The following MAMDC2 variants were observed in gnomAD, a reference collection of about 807,000 sequenced individuals.
The protein encoded by MAMDC2 is MAM domain containing 2.
A neutral mutation model predicts 89.8 loss-of-function variants in MAMDC2; 57 were observed. That is an observed-to-expected ratio of 0.63 (90% CI 0.51 to 0.79). The LOEUF (loss-of-function observed/expected upper bound fraction) is 0.79, where lower values mean the gene tolerates loss of function less well. Ranked by LOEUF, MAMDC2 falls within the 30% of genes least tolerant of loss-of-function variation. The pLI is 0.00. For missense variants in MAMDC2, 800 were observed against 820.6 expected (o/e 0.97, Z 0.31); for synonymous variants, 313 against 293.4 (o/e 1.07, Z -0.68).
At chr9:70,051,924 T>TAGATAGATAGATAGAC (rs955594860) in intron 2 of MAMDC2, among the ~76,000 whole-genome samples, 1 of 151,848 alleles carries the variant, frequency 6.6e-6, no homozygotes, top group Non-Finnish European at 1.5e-5. Flanking sequence ...GATAGATAGA[T>TAGATAGATAGATAGAC]AGACAGACAG....
At chr9:70,199,264 T>C (rs1031640246) in intron 11 of MAMDC2, among the ~76,000 whole-genome samples, 12 of 119,908 alleles carry the variant, frequency 1.0e-4, no homozygotes, top group African/African-American at 2.5e-4. Flanking sequence ...TGTGATCTCA[T>C]TGTTCCATTC....
intron 11 of MAMDC2, among the ~76,000 whole-genome samples, chr9:70,189,715 C>A (rs1243101783): frequency 2.6e-5 from 4 of 151,948 alleles, no homozygotes; most frequent in Non-Finnish European, 5.9e-5. Context: ...TTCCACTATG[C>A]ATATGTTGGT....
intron 3 of MAMDC2, 120 bp downstream of exon 3, chr9:70,108,602 C>A (rs1284288129): frequency 1.4e-5 from 11 of 797,426 alleles, no homozygotes; most frequent in Non-Finnish European, 2.1e-5. Flanking sequence ...CGTGATGTTT[C>A]ATAAGATACA....
intron 11 of MAMDC2, among the ~76,000 whole-genome samples, chr9:70,189,885 T>C (rs1210485071): frequency 6.6e-6 from 1 of 152,144 alleles, no homozygotes; most frequent in Non-Finnish European, 1.5e-5. Context: ...GGCCCTCTCA[T>C]GAATATTTTA....
chr9:70,122,423 G>A (rs2118321601), intron 5 of MAMDC2, among the ~76,000 whole-genome samples: 1 of 152,290 alleles, frequency 6.6e-6, no homozygotes, highest in Non-Finnish European at 1.5e-5. Flanking sequence ...ACAACTCTCA[G>A]ATGTCCGTCA....
At chr9:70,053,529 C>A (rs1563932980) in intron 2 of MAMDC2, among the ~76,000 whole-genome samples, 1 of 152,092 alleles carries the variant, frequency 6.6e-6, no homozygotes, top group South Asian at 2.1e-4. Context: ...ATAGAGGACA[C>A]AAAAACCCAC....
Position 70,108,549 on chromosome 9 carries a change from T to C in MAMDC2, c.420+67T>C, listed in dbSNP as rs568260336. The C allele has an allele frequency of 5.0e-6, 7 of 1,395,818 alleles. No individual in the cohort carries two copies. In the East Asian group the frequency reaches 1.4e-4, roughly 29 times the overall value. 86.5% of individuals were successfully genotyped at this position (1,395,818 alleles called of 1,614,324 possible). On this transcript the variant is annotated intron_variant, in intron 3 of 13. Coordinates refer to ENST00000377182, the MANE Select transcript of MAMDC2 (RefSeq NM_153267.5). ...TGCTTTATACTATTCTAAAATCTTA[T>C]GAAAACTTCTGACATGGAGGTTAGT...
At chr9:70,189,504 A>G (rs867678666) in intron 11 of MAMDC2, among the ~76,000 whole-genome samples, 22 of 152,280 alleles carry the variant, frequency 1.4e-4, no homozygotes, top group Middle Eastern at 3.4e-3. Context: ...TATTAATTAA[A>G]AAGATTTGCT....
chr9:70,043,937 C>G lies in MAMDC2; in HGVS notation c.-261C>G, dbSNP rs1826666475. On this transcript the variant is annotated 5_prime_UTR_variant, in exon 1 of 14. Coordinates refer to ENST00000377182, the MANE Select transcript of MAMDC2 (RefSeq NM_153267.5). ...CAGCCCCATCGTCGCCCAGGACCAG[C>G]TGGGCCGCGGTCTGACCTGAGGCTG... is the stretch of plus-strand genomic sequence containing the variant. 1.7e-6 allele frequency: 1 copy of G among 583,240 alleles called. No homozygotes were observed. The highest frequency in any genetic ancestry group is 1.9e-5 in the African/African-American group (1 of 53,430). 36.1% of individuals were successfully genotyped at this position (583,240 alleles called of 1,614,324 possible). A position where few individuals can be genotyped will look rare whatever the true frequency, so the allele number is the denominator to read the frequency against.
At chr9:70,093,605 T>A (rs1275285633) in intron 2 of MAMDC2, among the ~76,000 whole-genome samples, 3 of 151,674 alleles carry the variant, frequency 2.0e-5, no homozygotes, top group Non-Finnish European at 2.9e-5. Flanking sequence ...TTTTTTTTTT[T>A]ATTTTTAGTA....
chr9:70,220,263 G>T (rs891066978), intron 12 of MAMDC2, among the ~76,000 whole-genome samples: 3 of 152,176 alleles, frequency 2.0e-5, no homozygotes, highest in African/African-American at 7.2e-5. Context: ...GACTTACTGG[G>T]GAGGTAGTTA....
At chr9:70,082,329 A>T (rs1827672183) in intron 2 of MAMDC2, among the ~76,000 whole-genome samples, 1 of 152,178 alleles carries the variant, frequency 6.6e-6, no homozygotes, top group Admixed American at 6.6e-5. Context: ...AACAGCCCTT[A>T]TGTAAGCTAC....
intron 2 of MAMDC2, among the ~76,000 whole-genome samples, chr9:70,104,440 A>G (rs891525011): frequency 2.0e-5 from 3 of 152,192 alleles, no homozygotes; most frequent in Non-Finnish European, 4.4e-5. Context: ...TTCCACTCCT[A>G]GGCATACACC....
In MAMDC2 at chr9:70,044,173, T is replaced by A. The variant is rs1225697059; in HGVS notation, c.-25T>A. 1.9e-6 allele frequency: 3 copies of A among 1,613,542 alleles called. No individual in the cohort carries two copies. The highest frequency in any genetic ancestry group is 2.2e-5 in the East Asian group (1 of 44,842). On this transcript the variant is annotated 5_prime_UTR_variant, in exon 1 of 14. Transcript: ENST00000377182. ...CGGGCTGGCAACTTGCACCCCTTCC[T>A]AGTCATCCTCCCTGAAACGCGACCA...
rs1031880994 is a variant in MAMDC2, at chr9:70,108,623, G to T, written c.420+141G>T. ...GTTTCATAAGATACATACCATAGAA[G>T]AATATTAGCAATGGAAATTAACATT... On this transcript the variant is annotated intron_variant, in intron 3 of 13. Coordinates refer to ENST00000377182, the MANE Select transcript of MAMDC2 (RefSeq NM_153267.5). 1.1e-5 allele frequency: 7 copies of T among 619,532 alleles called. No individual in the cohort carries two copies. The African/African-American group carries it at 1.1e-4, about 10-fold the overall frequency. 38.4% of individuals were successfully genotyped at this position (619,532 alleles called of 1,614,324 possible).
At chr9:70,168,550 T>C in intron 9 of MAMDC2, 152 bp from the exon 10 acceptor site, 1 of 599,498 alleles carries the variant, frequency 1.7e-6, no homozygotes, top group Non-Finnish European at 3.0e-6. Context: ...GTAACCATTC[T>C]TCTTCCTACT....
intron 2 of MAMDC2, among the ~76,000 whole-genome samples, chr9:70,103,103 A>G (rs979083262): frequency 6.6e-6 from 1 of 152,204 alleles, no homozygotes; most frequent in Non-Finnish European, 1.5e-5. Flanking sequence ...CAGCAAAAGA[A>G]ATGGTCAAAA....
At chr9:70,189,636 G>T (rs1288751630) in intron 11 of MAMDC2, among the ~76,000 whole-genome samples, 1 of 152,066 alleles carries the variant, frequency 6.6e-6, no homozygotes, top group Non-Finnish European at 1.5e-5. Flanking sequence ...AATCAGGTTT[G>T]AAAAGGTTTT....
At position 70,062,260 on chromosome 9, in the gene MAMDC2, TAC is replaced by T. The variant is rs71505376; in HGVS notation, c.148+17582_148+17583del. On this transcript the variant is annotated intron_variant, in intron 2 of 13. Transcript: ENST00000377182. ...CACTGATATATACATATGAGATGTA[TAC>T]ACACACACACACACACACTATCTCT... Among the ~76,000 whole-genome samples, 1,054 of 149,960 alleles carry T rather than the reference TAC, an allele frequency of 7.0e-3. 16 individuals are homozygous for T. Among genetic ancestry groups the T allele is most frequent in the African/African-American group, 0.024 (980 of 40,974 alleles).
Sources: gnomAD v4.1 joint callset for allele counts (sites outside exome capture counted in the v4.1 genomes callset) on GRCh38, gnomAD v4.1.1 for gene constraint, MANE v1.5 for transcripts, NCBI Gene and HGNC (gene_info 2026-07-23, HGNC 2026-07-21) for gene names.